The following ARHGAP19 variants were observed in gnomAD, a reference collection of about 807,000 sequenced individuals.
The protein encoded by ARHGAP19 is rho GTPase-activating protein 19.
A neutral mutation model predicts 60.9 loss-of-function variants in ARHGAP19; 48 were observed. That is an observed-to-expected ratio of 0.79 (90% CI 0.62 to 1.00). The LOEUF (loss-of-function observed/expected upper bound fraction) is 1.00, where lower values mean the gene tolerates loss of function less well. Among genes scored for constraint, ARHGAP19 ranks in the 50% least tolerant of loss-of-function variants. ARHGAP19 has a pLI of 0.00. For missense variants in ARHGAP19, 562 were observed against 597.2 expected, an observed-to-expected ratio of 0.94 and a Z score of 0.61; for synonymous variants, 209 against 215.5, an observed-to-expected ratio of 0.97 and a Z score of 0.27.
At chr10:97,263,880 G>A (rs1359859277) in intron 3 of ARHGAP19, among the ~76,000 whole-genome samples, 1 of 152,114 alleles carries the variant, frequency 6.6e-6, no homozygotes, top group Non-Finnish European at 1.5e-5. Flanking sequence ...TCAACCTCCT[G>A]AGGTATGGAT....
chr10:97,272,131 C>CTTTTTTTTTTTTTTTTTTT (rs35980234), intron 1 of ARHGAP19, among the ~76,000 whole-genome samples: 2 of 85,634 alleles, frequency 2.3e-5, no homozygotes, highest in Non-Finnish European at 4.1e-5. Context: ...GGAAATATGT[C>CTTTTTTTTTTTTTTTTTTT]TTTTTTTTTT....
At chr10:97,290,241 G>T (rs562280283) in intron 1 of ARHGAP19, among the ~76,000 whole-genome samples, 128 of 152,222 alleles carry the variant, frequency 8.4e-4, no homozygotes, top group African/African-American at 3.0e-3. Context: ...GCTGTTTGCC[G>T]CTGTCGCAGA....
At chr10:97,269,078 C>T (rs1418161036) in intron 1 of ARHGAP19, among the ~76,000 whole-genome samples, 1 of 152,136 alleles carries the variant, frequency 6.6e-6, no homozygotes, top group African/African-American at 2.4e-5. Context: ...ACAGTAAAAG[C>T]AATCACAACT....
At chr10:97,254,898 AT>A (rs1842733136) in intron 6 of ARHGAP19, among the ~76,000 whole-genome samples, 1 of 152,208 alleles carries the variant, frequency 6.6e-6, no homozygotes, top group South Asian at 2.1e-4. Context: ...AAGGAAGGAA[AT>A]CCTGTCACAT....
chr10:97,259,334 G>C, intron 5 of ARHGAP19, 68 bp downstream of exon 5: 1 of 1,223,182 alleles, frequency 8.2e-7, no homozygotes, highest in South Asian at 1.2e-5. Flanking sequence ...TCTCACCAAT[G>C]TACAGCCATA....
chr10:97,279,600 C>A (rs995769341), intron 1 of ARHGAP19, among the ~76,000 whole-genome samples: 16 of 152,038 alleles, frequency 1.1e-4, no homozygotes, highest in African/African-American at 3.9e-4. Flanking sequence ...TCAAACAATT[C>A]CCCCACCTCG....
chr10:97,283,094 C>T (rs1174529978), intron 1 of ARHGAP19, among the ~76,000 whole-genome samples: 2 of 152,044 alleles, frequency 1.3e-5, no homozygotes, highest in East Asian at 3.9e-4. Context: ...CCACCCACCT[C>T]AGCCTCCCAA....
chr10:97,229,337 G>A, intron 10 of ARHGAP19, 112 bp from the exon 11 acceptor site: 1 of 880,814 alleles, frequency 1.1e-6, no homozygotes. Context: ...GTTTTTCTGA[G>A]ACTGATGTAT....
At position 97,270,610 on chromosome 10, in the gene ARHGAP19, G is replaced by A. The variant is rs185541911; in HGVS notation, c.57-4485C>T. On this transcript the variant is annotated intron_variant, in intron 1 of 11. Coordinates refer to ENST00000358531, the MANE Select transcript of ARHGAP19 (RefSeq NM_032900.6). ...GAAAATAAATACATTTCTTACATAA[G>A]TGCTGAAAGTTTCTGATGAGGCATT... The A allele has an allele frequency of 4.2e-5, 65 of 1,547,754 alleles. No homozygotes were observed. In the Admixed American group the frequency reaches 8.7e-4, roughly 21 times the overall value.
chr10:97,289,865 AAGAAAG>A (rs904924096), intron 1 of ARHGAP19, among the ~76,000 whole-genome samples: 1 of 151,600 alleles, frequency 6.6e-6, no homozygotes, highest in African/African-American at 2.4e-5. Context: ...AAAAAAAAAA[AAGAAAG>A]AAAGAAAGAA....
intron 1 of ARHGAP19, among the ~76,000 whole-genome samples, chr10:97,267,578 G>A (rs140658896): frequency 6.6e-6 from 1 of 152,078 alleles, no homozygotes; most frequent in Non-Finnish European, 1.5e-5. Flanking sequence ...CTCCATGAGA[G>A]CTCCAACCCT....
At chr10:97,241,735 T>A (rs371397147) in intron 8 of ARHGAP19, among the ~76,000 whole-genome samples, 1 of 147,128 alleles carries the variant, frequency 6.8e-6, no homozygotes, top group Admixed American at 6.9e-5. Flanking sequence ...ATAGGCCGGG[T>A]GCAGTGGCTC....
intron 8 of ARHGAP19, among the ~76,000 whole-genome samples, chr10:97,237,002 T>G (rs913428763): frequency 1.2e-4 from 19 of 152,030 alleles, no homozygotes; most frequent in African/African-American, 4.3e-4. Flanking sequence ...TGGTGGCTCA[T>G]GCCTGTAATC....
At chr10:97,282,236 C>T (rs1032714140) in intron 1 of ARHGAP19, among the ~76,000 whole-genome samples, 1 of 152,204 alleles carries the variant, frequency 6.6e-6, no homozygotes, top group Admixed American at 6.6e-5. Context: ...AACTCCAAGA[C>T]TCTTGTGAAT....
intron 1 of ARHGAP19, among the ~76,000 whole-genome samples, chr10:97,283,649 A>C (rs2134923677): frequency 6.6e-6 from 1 of 152,164 alleles, no homozygotes. Flanking sequence ...AAACCAAGAT[A>C]GAAATCAGAT....
chr10:97,265,474 C>T (rs566541165), intron 2 of ARHGAP19: 48 of 198,608 alleles, frequency 2.4e-4, no homozygotes, highest in Admixed American at 1.5e-3. Context: ...ACTCCAGCAT[C>T]GGCAACAAAG....
At position 97,270,721 on chromosome 10, in the gene ARHGAP19, G is replaced by A. The variant is rs12249697; in HGVS notation, c.57-4596C>T. 6,800 of 1,511,424 alleles carry A rather than the reference G, an allele frequency of 4.5e-3. 198 individuals are homozygous for A. In the African/African-American group the frequency reaches 0.066, roughly 15 times the overall value. The allele number at this position is 1,511,424 out of a possible 1,614,324, so 93.6% of individuals were successfully genotyped here. Reference sequence around the variant, plus strand: ...CTTTCCCTGCCCCAGCACAGCCTACGCAAATTCCAGACATGTTAGAGGATA... The same window carrying A: ...CTTTCCCTGCCCCAGCACAGCCTACACAAATTCCAGACATGTTAGAGGATA... On this transcript the variant is annotated intron_variant, in intron 1 of 11. Transcript: ENST00000358531.
chr10:97,225,840 G>C lies in ARHGAP19; in HGVS notation c.*282C>G. 2.5e-6 allele frequency: 1 copy of C among 400,046 alleles called. No individual in the cohort carries two copies. The highest frequency in any genetic ancestry group is 4.4e-6 in the Non-Finnish European group (1 of 224,970). 24.8% of individuals were successfully genotyped at this position (400,046 alleles called of 1,614,324 possible). On this transcript the variant is annotated 3_prime_UTR_variant, in exon 12 of 12. Transcript: ENST00000358531. ...CTAAACACATTGAGTGAGCACTGAA[G>C]CCCACCTTAGTGTGCTGTATAAGCT...
chr10:97,238,901 G>T (rs936453811), intron 8 of ARHGAP19, among the ~76,000 whole-genome samples: 1 of 152,132 alleles, frequency 6.6e-6, no homozygotes, highest in Non-Finnish European at 1.5e-5. Flanking sequence ...CATGGTAACT[G>T]CCCTATACAG....
Sources: gnomAD v4.1 joint callset for allele counts (sites outside exome capture counted in the v4.1 genomes callset) on GRCh38, gnomAD v4.1.1 for gene constraint, MANE v1.5 for transcripts, NCBI Gene and HGNC (gene_info 2026-07-23, HGNC 2026-07-21) for gene names.